Variants in CTNND2 observed in about 807,000 individuals in gnomAD.
CTNND2 encodes the protein catenin delta-2.
Under a neutral mutation model 144.4 loss-of-function variants are expected in CTNND2, and 22 were observed. The ratio of observed to expected loss-of-function variants is 0.15; its 90% confidence interval spans 0.11 to 0.22. The LOEUF is 0.22. Ranked by LOEUF, CTNND2 falls within the 10% of genes least tolerant of loss-of-function variation. The probability of loss-of-function intolerance (pLI) is 1.00; values close to 1 mark genes in which losing one functional copy is unlikely to be tolerated. For missense variants in CTNND2, 1,353 were observed against 1,618.8 expected (o/e 0.84, Z 2.82); for synonymous variants, 751 against 695.6 (o/e 1.08, Z -1.25).
intron 6 of CTNND2, among the ~76,000 whole-genome samples, chr5:11,395,414 C>G (rs904370732): frequency 2.6e-5 from 4 of 152,204 alleles, no homozygotes; most frequent in Non-Finnish European, 5.9e-5. Flanking sequence ...TTTGATTATT[C>G]ATACTTGTGC....
chr5:11,581,571 G>A (rs1331378058), intron 2 of CTNND2, among the ~76,000 whole-genome samples: 1 of 152,170 alleles, frequency 6.6e-6, no homozygotes, highest in Non-Finnish European at 1.5e-5. Context: ...TAGATGGATT[G>A]CACTGTGATG....
chr5:11,331,617 C>T (rs1218308021), intron 9 of CTNND2, among the ~76,000 whole-genome samples: 4 of 152,110 alleles, frequency 2.6e-5, no homozygotes, highest in African/African-American at 7.2e-5. Context: ...TTTTCAGGGT[C>T]CAGAACATAC....
chr5:11,046,722 A>C (rs2149575480), intron 16 of CTNND2, among the ~76,000 whole-genome samples: 1 of 152,374 alleles, frequency 6.6e-6, no homozygotes, highest in Non-Finnish European at 1.5e-5. Flanking sequence ...CCAAATAAGC[A>C]AAAGCAAATA....
intron 10 of CTNND2, among the ~76,000 whole-genome samples, chr5:11,229,310 G>A (rs1740720285): frequency 6.6e-6 from 1 of 152,134 alleles, no homozygotes; most frequent in Non-Finnish European, 1.5e-5. Flanking sequence ...TATAATTTTT[G>A]TTAGATTAAC....
chr5:11,558,337 AAC>A (rs137933433), intron 3 of CTNND2, among the ~76,000 whole-genome samples: 48 of 142,068 alleles, frequency 3.4e-4, no homozygotes, highest in African/African-American at 1.2e-3. Context: ...GGCTGTGAGA[AAC>A]ACGTGTGTGT....
chr5:11,440,627 CCTA>C (rs1275223301), intron 3 of CTNND2, among the ~76,000 whole-genome samples: 3 of 152,116 alleles, frequency 2.0e-5, no homozygotes, highest in South Asian at 2.1e-4. Flanking sequence ...ATTTTGATTT[CCTA>C]CTACTATTTG....
chr5:11,715,365 C>T (rs1254899153), intron 2 of CTNND2, among the ~76,000 whole-genome samples: 1 of 152,130 alleles, frequency 6.6e-6, no homozygotes, highest in Non-Finnish European at 1.5e-5. Flanking sequence ...GGAAAACACA[C>T]AAACAAAAAA....
chr5:11,277,140 G>T (rs1746618811), intron 9 of CTNND2, among the ~76,000 whole-genome samples: 1 of 151,832 alleles, frequency 6.6e-6, no homozygotes, highest in Non-Finnish European at 1.5e-5. Flanking sequence ...ATTCCCCCTT[G>T]CCTTTTTTTT....
chr5:11,117,224 A>C (rs1753640752), intron 13 of CTNND2, among the ~76,000 whole-genome samples: 1 of 152,156 alleles, frequency 6.6e-6, no homozygotes, highest in Admixed American at 6.5e-5. Context: ...ACTTAGAACA[A>C]TCTGCATATT....
At position 11,903,965 on chromosome 5, in the gene CTNND2, G is replaced by T. The variant is rs1560989191; in HGVS notation, c.-112C>A. The T allele has an allele frequency of 8.2e-6, 10 of 1,217,746 alleles. No individual in the cohort carries two copies. The highest frequency in any genetic ancestry group is 2.6e-5 in the South Asian group (1 of 38,526). The allele number at this position is 1,217,746 out of a possible 1,614,324, so 75.4% of individuals were successfully genotyped here. A position where few individuals can be genotyped will look rare whatever the true frequency, so the allele number is the denominator to read the frequency against. On this transcript the variant is annotated 5_prime_UTR_variant, in exon 1 of 22. Coordinates refer to ENST00000304623, the MANE Select transcript of CTNND2 (RefSeq NM_001332.4). This position sits in a 1 kb window ranked among gnomAD's most constrained non-coding sequence, Gnocchi z 5.4. ...AACTGCAGCATCTTCCGCTTTTGTTGTCTGAGCGCGGCCGCGGGACAAGGG... is the reference window on the plus strand; with the variant it reads ...AACTGCAGCATCTTCCGCTTTTGTTTTCTGAGCGCGGCCGCGGGACAAGGG...
At chr5:11,826,322 T>C (rs376747416) in intron 1 of CTNND2, among the ~76,000 whole-genome samples, 4 of 152,026 alleles carry the variant, frequency 2.6e-5, no homozygotes, top group African/African-American at 9.7e-5. Flanking sequence ...CAATAAATCC[T>C]ATAACTACTA....
At chr5:10,977,099 A>G (rs1263884398) in intron 21 of CTNND2, among the ~76,000 whole-genome samples, 3 of 152,160 alleles carry the variant, frequency 2.0e-5, no homozygotes, top group East Asian at 3.8e-4. Context: ...CACAGAGGTA[A>G]AAAAAATGGG....
intron 19 of CTNND2, among the ~76,000 whole-genome samples, chr5:10,990,588 T>G (rs1172282221): frequency 2.0e-5 from 3 of 152,200 alleles, no homozygotes; most frequent in African/African-American, 7.2e-5. Flanking sequence ...AGGGACAATA[T>G]TTTAAAACCT....
At chr5:11,733,796 A>G (rs572073096) in intron 1 of CTNND2, among the ~76,000 whole-genome samples, 1 of 152,374 alleles carries the variant, frequency 6.6e-6, no homozygotes, top group South Asian at 2.1e-4. Flanking sequence ...GACCCAATGC[A>G]TAAGTGGATG....
intron 3 of CTNND2, among the ~76,000 whole-genome samples, chr5:11,456,078 A>G (rs1449224869): frequency 6.6e-6 from 1 of 152,208 alleles, no homozygotes; most frequent in Non-Finnish European, 1.5e-5. Context: ...TGCACTGCAG[A>G]GCATGCACAA....
At chr5:11,554,739 C>T (rs1776064940) in intron 3 of CTNND2, among the ~76,000 whole-genome samples, 2 of 151,964 alleles carry the variant, frequency 1.3e-5, no homozygotes. Context: ...ACTAAATCAA[C>T]CATAGTTCCA....
intron 1 of CTNND2, among the ~76,000 whole-genome samples, chr5:11,762,701 G>A (rs2126808111): frequency 6.6e-6 from 1 of 152,212 alleles, no homozygotes; most frequent in African/African-American, 2.4e-5. Flanking sequence ...TTATCGTCCT[G>A]GAGTTGCCTG....
chr5:11,602,202 G>A (rs1779829015), intron 2 of CTNND2, among the ~76,000 whole-genome samples: 1 of 151,808 alleles, frequency 6.6e-6, no homozygotes, highest in South Asian at 2.1e-4. Context: ...CATTGTAAGT[G>A]GCTCATAACA....
intron 9 of CTNND2, among the ~76,000 whole-genome samples, chr5:11,313,899 C>G (rs190046154): frequency 6.6e-6 from 1 of 152,034 alleles, no homozygotes; most frequent in African/African-American, 2.4e-5. Context: ...AGAGGAAGAG[C>G]GAGCAAATGG....
Sources: gnomAD v4.1 joint callset for allele counts (sites outside exome capture counted in the v4.1 genomes callset) on GRCh38, gnomAD v4.1.1 for gene constraint, Gnocchi (gnomAD v3.1) non-coding constraint, MANE v1.5 for transcripts, NCBI Gene and HGNC (gene_info 2026-07-23, HGNC 2026-07-21) for gene names.